Variants in KLHL2 observed in about 807,000 individuals in gnomAD.
KLHL2 encodes kelch-like protein 2.
A neutral mutation model predicts 75.8 loss-of-function variants in KLHL2; 15 were observed. The ratio of observed to expected loss-of-function variants is 0.20; its 90% CI spans 0.13 to 0.30. The LOEUF is 0.30. KLHL2 is among the 10% of genes least tolerant of loss of function. KLHL2 has a pLI of 1.00. For synonymous variants in KLHL2, 214 were observed against 251.9 expected, an observed-to-expected ratio of 0.85 and a Z score of 1.42; for missense variants, 381 against 741.0, an observed-to-expected ratio of 0.51 and a Z score of 5.64.
Position 165,322,880 on chromosome 4 carries a change from T to TTTTCTTAA in KLHL2, c.*821_*828dup, listed in dbSNP as rs1747078707. 1 of 152,660 alleles carries TTTTCTTAA rather than the reference T, an allele frequency of 6.6e-6. No homozygotes were observed. Among genetic ancestry groups the TTTTCTTAA allele is most frequent in the African/African-American group, 2.4e-5 (1 of 41,470 alleles). 9.5% of individuals were successfully genotyped at this position (152,660 alleles called of 1,614,324 possible). A position where few individuals can be genotyped will look rare whatever the true frequency, so the allele number is the denominator to read the frequency against. On this transcript the variant is annotated 3_prime_UTR_variant, in exon 15 of 15. Coordinates refer to ENST00000226725, the MANE Select transcript of KLHL2 (RefSeq NM_007246.4). ...ATGTTTTGGTGTGTATTTTTAATTTTTTTCTTAAATTAACACTTTGGCATG... is the reference window on the plus strand; with the variant it reads ...ATGTTTTGGTGTGTATTTTTAATTTTTTTCTTAATTTCTTAAATTAACACTTTGGCATG...
chr4:165,303,494 G>GCCC (rs35038980), intron 8 of KLHL2, among the ~76,000 whole-genome samples: 8,397 of 113,130 alleles, frequency 0.074, 1,009 homozygotes, highest in African/African-American at 0.16. Flanking sequence ...TTACAACCTT[G>GCCC]CCCCCCCCGC....
At chr4:165,287,797 A>G (rs1744201351) in intron 5 of KLHL2, among the ~76,000 whole-genome samples, 1 of 152,144 alleles carries the variant, frequency 6.6e-6, no homozygotes, top group Non-Finnish European at 1.5e-5. Flanking sequence ...GCTTATTGGC[A>G]ATTTGTATAT....
intron 4 of KLHL2, among the ~76,000 whole-genome samples, chr4:165,241,920 C>G (rs868239605): frequency 1.8e-4 from 28 of 152,102 alleles, no homozygotes; most frequent in African/African-American, 6.0e-4. Context: ...TTATTATAGT[C>G]CCTTCTGATT....
At chr4:165,222,249 G>T (rs969084940) in intron 2 of KLHL2, among the ~76,000 whole-genome samples, 1 of 152,192 alleles carries the variant, frequency 6.6e-6, no homozygotes, top group Non-Finnish European at 1.5e-5. Flanking sequence ...GAATGGACAG[G>T]ATGGTGTCTA....
intron 5 of KLHL2, among the ~76,000 whole-genome samples, chr4:165,270,172 G>C (rs942318289): frequency 2.6e-5 from 4 of 152,092 alleles, no homozygotes; most frequent in Admixed American, 2.6e-4. Flanking sequence ...AGCTCCATCA[G>C]GTCATTTAAG....
At chr4:165,238,550 T>A (rs1385755566) in intron 3 of KLHL2, among the ~76,000 whole-genome samples, 4 of 152,192 alleles carry the variant, frequency 2.6e-5, no homozygotes, top group Non-Finnish European at 1.5e-5. Context: ...CGTTCATTGT[T>A]GTGATATGAT....
At chr4:165,208,047 G>T (rs868484820) in intron 1 of KLHL2, 145 bp downstream of exon 1, 20 of 440,984 alleles carry the variant, frequency 4.5e-5, no homozygotes, top group African/African-American at 4.0e-4. Flanking sequence ...CGCTGTGCCC[G>T]CAGTCCTGAG....
intron 5 of KLHL2, among the ~76,000 whole-genome samples, chr4:165,289,126 G>A (rs1744312045): frequency 1.3e-5 from 2 of 152,092 alleles, no homozygotes; most frequent in African/African-American, 4.8e-5. Flanking sequence ...CTTAGGAAGT[G>A]TGTTACAAGC....
chr4:165,216,693 C>G (rs1237963533), intron 1 of KLHL2, among the ~76,000 whole-genome samples: 1 of 152,116 alleles, frequency 6.6e-6, no homozygotes, highest in African/African-American at 2.4e-5. Flanking sequence ...ATTTTCTGTT[C>G]TGCTTCTGAA....
At chr4:165,227,135 G>A (rs1031703708) in intron 2 of KLHL2, among the ~76,000 whole-genome samples, 1 of 152,150 alleles carries the variant, frequency 6.6e-6, no homozygotes, top group Non-Finnish European at 1.5e-5. Context: ...ATGATCTGGA[G>A]GAATTATAAA....
At position 165,232,878 on chromosome 4, in the gene KLHL2, CTTTTTTTTTTTT is replaced by C. The variant is rs912954260; in HGVS notation, c.259+3980_259+3991del. Among the ~76,000 whole-genome samples the C allele has an allele frequency of 1.1e-4, 6 of 52,584 alleles. No individual in the cohort carries two copies. The South Asian group carries it at 2.5e-3, about 22-fold the overall frequency. 34.5% of individuals were successfully genotyped at this position (52,584 alleles called of 152,430 possible). A position where few individuals can be genotyped will look rare whatever the true frequency, so the allele number is the denominator to read the frequency against. On this transcript the variant is annotated intron_variant, in intron 3 of 14. Coordinates refer to ENST00000226725, the MANE Select transcript of KLHL2 (RefSeq NM_007246.4). ...TTTCATGGTCTGAAACCCTGTTAAGCTTTTTTTTTTTTTTTTTTTTTTTTTTGGTAAAAATTA... is the reference window on the plus strand; with the variant it reads ...TTTCATGGTCTGAAACCCTGTTAAGCTTTTTTTTTTTTTTGGTAAAAATTA...
intron 2 of KLHL2, among the ~76,000 whole-genome samples, 178 bp from the exon 3 acceptor site, chr4:165,228,629 T>G (rs1325249133): frequency 6.6e-6 from 1 of 152,302 alleles, no homozygotes; most frequent in East Asian, 1.9e-4. Flanking sequence ...ATGTTGGACC[T>G]TTATCCCAGC....
rs1746434656 is a variant in KLHL2, at chr4:165,314,178, T to C, written c.1609+12T>C. On this transcript the variant is annotated intron_variant, in intron 13 of 14. Transcript: ENST00000226725. ...CAGAAGAAATGCAGGTATCTGTCAGTTTAAGGTTATAAAACTTATGTTGAA... is the reference window on the plus strand; with the variant it reads ...CAGAAGAAATGCAGGTATCTGTCAGCTTAAGGTTATAAAACTTATGTTGAA... The C allele has an allele frequency of 6.2e-7, 1 of 1,606,880 alleles. No homozygotes were observed. Among genetic ancestry groups the C allele is most frequent in the Non-Finnish European group, 8.5e-7 (1 of 1,176,876 alleles).
intron 5 of KLHL2, among the ~76,000 whole-genome samples, chr4:165,275,923 C>T (rs1743049345): frequency 6.6e-6 from 1 of 151,914 alleles, no homozygotes; most frequent in South Asian, 2.1e-4. Context: ...GAGTTTGAGA[C>T]CAGCCTGGCC....
chr4:165,282,189 A>G (rs1196138883), intron 5 of KLHL2, among the ~76,000 whole-genome samples: 1 of 152,244 alleles, frequency 6.6e-6, no homozygotes, highest in Non-Finnish European at 1.5e-5. Context: ...AAACTCTGAG[A>G]TGACCTGCCT....
chr4:165,275,553 A>C (rs1160535718), intron 5 of KLHL2, among the ~76,000 whole-genome samples: 1 of 152,222 alleles, frequency 6.6e-6, no homozygotes, highest in Non-Finnish European at 1.5e-5. Context: ...AAATTTGAGA[A>C]ACTACTTAGT....
chr4:165,264,171 T>C (rs1741952351), intron 5 of KLHL2, among the ~76,000 whole-genome samples: 1 of 152,180 alleles, frequency 6.6e-6, no homozygotes, highest in African/African-American at 2.4e-5. Flanking sequence ...AAGTGATTAT[T>C]AGGAAATTTC....
intron 13 of KLHL2, among the ~76,000 whole-genome samples, chr4:165,315,672 T>G (rs946161247): frequency 5.3e-5 from 8 of 152,210 alleles, no homozygotes; most frequent in Non-Finnish European, 8.8e-5. Context: ...CATTCCATAT[T>G]CCTGATAATC....
chr4:165,285,718 T>C (rs977695523), intron 5 of KLHL2, among the ~76,000 whole-genome samples: 1 of 152,052 alleles, frequency 6.6e-6, no homozygotes, highest in African/African-American at 2.4e-5. Context: ...AGTGTGGATA[T>C]ACTTAACACT....
Sources: allele counts gnomAD v4.1 joint callset (sites outside exome capture counted in the v4.1 genomes callset), GRCh38; gene constraint gnomAD v4.1.1; transcripts MANE v1.5; gene names NCBI Gene and HGNC (gene_info 2026-07-23, HGNC 2026-07-21).